MAST4: variants seen among roughly 807,000 people sequenced by gnomAD.
MAST4 encodes microtubule-associated serine/threonine-protein kinase 4.
In MAST4, 89 loss-of-function variants were observed where a neutral mutation model predicts 162.7. That is an observed-to-expected ratio of 0.55 (90% CI 0.46 to 0.65). MAST4 has a LOEUF of 0.65. Ranked by LOEUF, MAST4 falls within the 30% of genes least tolerant of loss-of-function variation. The pLI is 0.00. For synonymous variants in MAST4, 1,479 were observed against 1,361.1 expected (o/e 1.09, Z -1.91); for missense variants, 3,153 against 3,374.0 (o/e 0.93, Z 1.62).
At chr5:66,658,961 G>T (rs190335026) in intron 1 of MAST4, among the ~76,000 whole-genome samples, 1 of 152,300 alleles carries the variant, frequency 6.6e-6, no homozygotes, top group East Asian at 1.9e-4. Context: ...GTTCAAGGCT[G>T]CAGTGAGCTA....
chr5:66,640,620 T>C (rs2149434710), intron 1 of MAST4, among the ~76,000 whole-genome samples: 1 of 152,320 alleles, frequency 6.6e-6, no homozygotes, highest in South Asian at 2.1e-4. Flanking sequence ...AATTTCTTTA[T>C]CCAGTCGTCA....
At chr5:67,106,002 T>C (rs529603388) in intron 10 of MAST4, among the ~76,000 whole-genome samples, 1 of 152,338 alleles carries the variant, frequency 6.6e-6, no homozygotes, top group Admixed American at 6.5e-5. Context: ...GACATTTTAC[T>C]GGAATATTAC....
chr5:66,692,704 C>T (rs1440698194), intron 1 of MAST4, among the ~76,000 whole-genome samples: 2 of 152,138 alleles, frequency 1.3e-5, no homozygotes, highest in Non-Finnish European at 2.9e-5. Context: ...CCTTACCGTT[C>T]TGCAATCATC....
At position 66,886,148 on chromosome 5, in the gene MAST4, C is replaced by G. The variant is rs538634934; in HGVS notation, c.643-13803C>G. ...ACTCTGCCAGGCCATGTACCTGAAG[C>G]TCTGCCACCTCAACATTTTCATCCT... is the stretch of plus-strand genomic sequence containing the variant. On this transcript the variant is annotated intron_variant, in intron 3 of 28. Coordinates refer to ENST00000403625, the MANE Select transcript of MAST4 (RefSeq NM_001164664.2). Among the ~76,000 whole-genome samples, 7 of 152,316 alleles carry G rather than the reference C, an allele frequency of 4.6e-5. No homozygotes were observed. The East Asian group carries it at 1.2e-3, about 25-fold the overall frequency.
rs549907467 is a variant in MAST4, at chr5:66,606,838, A to G, written c.363+9820A>G. On this transcript the variant is annotated intron_variant, in intron 1 of 28. Transcript: ENST00000403625. ...TAATGTGTGGCGAAGCAACATTCTG[A>G]AAGTGAATTTGCTCATTTAAATTAA... 6.6e-5 allele frequency among the ~76,000 whole-genome samples: 10 copies of G among 152,266 alleles called. No homozygotes were observed. In the South Asian group the frequency reaches 2.1e-3, roughly 32 times the overall value.
At chr5:66,935,880 C>A (rs1742690754) in intron 4 of MAST4, among the ~76,000 whole-genome samples, 2 of 151,994 alleles carry the variant, frequency 1.3e-5, no homozygotes, top group African/African-American at 4.8e-5. Context: ...GTTAGCCAGG[C>A]TGGTCTCAAA....
intron 3 of MAST4, among the ~76,000 whole-genome samples, chr5:66,819,710 TG>T (rs1188597933): frequency 6.6e-6 from 1 of 151,950 alleles, no homozygotes; most frequent in Admixed American, 6.6e-5. Flanking sequence ...TTTGTTTTTT[TG>T]GGGGGGAAGT....
intron 4 of MAST4, among the ~76,000 whole-genome samples, chr5:67,020,114 C>G (rs114926884): frequency 6.6e-6 from 1 of 152,234 alleles, no homozygotes; most frequent in Non-Finnish European, 1.5e-5. Context: ...GTACATGTTA[C>G]CTCTACAGTG....
At chr5:67,005,022 C>T (rs1166596723) in intron 4 of MAST4, 2 of 774,832 alleles carry the variant, frequency 2.6e-6, no homozygotes, top group East Asian at 2.4e-5. Context: ...AATTTTTGGA[C>T]TGTGCTCTCA....
Position 67,053,630 on chromosome 5 carries a change from G to T in MAST4, c.675-774G>T, listed in dbSNP as rs542059655. 4.4e-4 allele frequency among the ~76,000 whole-genome samples: 67 copies of T among 152,300 alleles called. No individual in the cohort carries two copies. The South Asian group carries it at 0.013, about 31-fold the overall frequency. ...TCACCCATCCGCCAGTTTTGTATTT[G>T]TCTTATTCTTTAAGGCTTTTGAAAG... On this transcript the variant is annotated intron_variant, in intron 4 of 28. Transcript: ENST00000403625.
chr5:66,881,211 G>A (rs1050214125), intron 3 of MAST4, among the ~76,000 whole-genome samples: 2 of 152,106 alleles, frequency 1.3e-5, no homozygotes, highest in Non-Finnish European at 2.9e-5. Context: ...TCATGATACT[G>A]CTTCCCAACA....
rs376619041 is a variant in MAST4 at position 67,068,347 on chromosome 5, TA to T, written c.763+13856del. Among the ~76,000 whole-genome samples the T allele has an allele frequency of 3.0e-4, 45 of 152,264 alleles. 2 individuals are homozygous for T. Among genetic ancestry groups the T allele is most frequent in the African/African-American group, 1.1e-3 (44 of 41,546 alleles). On this transcript the variant is annotated intron_variant, in intron 5 of 28. Coordinates refer to ENST00000403625, the MANE Select transcript of MAST4 (RefSeq NM_001164664.2). ...ATGGCTGGGAAGGCCTCAGAAAACT[TA>T]CAATCATGGCGGAAGGTGAAGGGGG...
intron 1 of MAST4, among the ~76,000 whole-genome samples, chr5:66,667,666 T>G (rs1050897997): frequency 2.0e-5 from 3 of 152,220 alleles, no homozygotes; most frequent in Non-Finnish European, 4.4e-5. Context: ...GGTCAGTGAA[T>G]TTTAATCTGT....
chr5:67,131,101 T>A (rs1768914624), intron 15 of MAST4, among the ~76,000 whole-genome samples: 1 of 152,110 alleles, frequency 6.6e-6, no homozygotes, highest in Admixed American at 6.6e-5. Flanking sequence ...ATCCTTTTAG[T>A]TTAACCTTTG....
At chr5:66,668,765 C>A (rs567198533) in intron 1 of MAST4, among the ~76,000 whole-genome samples, 1 of 152,330 alleles carries the variant, frequency 6.6e-6, no homozygotes, top group Admixed American at 6.5e-5. Flanking sequence ...CTCAAGAGAA[C>A]TGTCCATGTT....
chr5:67,114,235 G>C lies in MAST4; in HGVS notation c.1591+16G>C, dbSNP rs1203631184. On this transcript the variant is annotated intron_variant, in intron 12 of 28. Transcript: ENST00000403625. ...CCCTTGGAAGGTGAGTCCCTGGGTT[G>C]TTCCTACCTTTGACTTTGCTTATGC... The C allele has an allele frequency of 6.2e-7, 1 of 1,602,114 alleles. No homozygotes were observed. The highest frequency in any genetic ancestry group is 1.4e-5 in the African/African-American group (1 of 73,920).
chr5:66,858,871 A>C (rs946038720), intron 3 of MAST4, among the ~76,000 whole-genome samples: 6 of 152,040 alleles, frequency 3.9e-5, no homozygotes, highest in Non-Finnish European at 7.4e-5. Flanking sequence ...GATGTTGTTC[A>C]TCCTTTGATA....
At chr5:66,629,925 T>G (rs1447846992) in intron 1 of MAST4, among the ~76,000 whole-genome samples, 1 of 152,194 alleles carries the variant, frequency 6.6e-6, no homozygotes, top group Admixed American at 6.5e-5. Context: ...GCCTTAACTA[T>G]TAACTTGTAA....
intron 1 of MAST4, among the ~76,000 whole-genome samples, chr5:66,610,551 C>T (rs62362269): frequency 0.073 from 11,122 of 152,236 alleles, 560 homozygotes; most frequent in East Asian, 0.28. Context: ...CTCTTTGAGC[C>T]GCTCCTGCCC....
Sources: gnomAD v4.1 joint callset for allele counts (sites outside exome capture counted in the v4.1 genomes callset) on GRCh38, gnomAD v4.1.1 for gene constraint, MANE v1.5 for transcripts, NCBI Gene and HGNC (gene_info 2026-07-23, HGNC 2026-07-21) for gene names.